Variants in ADAM9 observed in about 807,000 individuals in gnomAD.
The protein encoded by ADAM9 is disintegrin and metalloproteinase domain-containing protein 9.
In ADAM9, 54 loss-of-function variants were observed where a neutral mutation model predicts 108.1. The observed-to-expected ratio is 0.50, with a 90% CI of 0.40 to 0.63. The LOEUF is 0.63. Ranked by LOEUF, ADAM9 falls within the 20% of genes least tolerant of loss-of-function variation. ADAM9 has a pLI of 0.00. For missense variants in ADAM9, 830 were observed against 997.7 expected (o/e 0.83, Z 2.26); for synonymous variants, 316 against 336.0 (o/e 0.94, Z 0.65).
At chr8:39,013,224 T>C (rs1296950703) in intron 3 of ADAM9, among the ~76,000 whole-genome samples, 1 of 152,174 alleles carries the variant, frequency 6.6e-6, no homozygotes, top group Admixed American at 6.5e-5. Context: ...GCCTCCATAC[T>C]TAGGAGGTTA....
intron 11 of ADAM9, among the ~76,000 whole-genome samples, chr8:39,032,715 C>T (rs1321005479): frequency 1.3e-5 from 2 of 152,208 alleles, no homozygotes; most frequent in East Asian, 3.9e-4. Context: ...AACCAGGTAC[C>T]TCAGTTGGAA....
chr8:39,041,761 T>C (rs1474879646), intron 11 of ADAM9, among the ~76,000 whole-genome samples, 185 bp from the exon 12 acceptor site: 1 of 152,202 alleles, frequency 6.6e-6, no homozygotes, highest in Non-Finnish European at 1.5e-5. Flanking sequence ...TGAATTATTA[T>C]ATAGTAGCTG....
intron 14 of ADAM9, among the ~76,000 whole-genome samples, chr8:39,056,989 T>C (rs1838144671): frequency 6.6e-6 from 1 of 152,202 alleles, no homozygotes; most frequent in Non-Finnish European, 1.5e-5. Flanking sequence ...TCTCATAAAA[T>C]TATAATGCTG....
chr8:39,084,020 C>A (rs1373901939), intron 18 of ADAM9, among the ~76,000 whole-genome samples: 1 of 152,132 alleles, frequency 6.6e-6, no homozygotes, highest in Non-Finnish European at 1.5e-5. Flanking sequence ...TAATTTTTAG[C>A]CATTCCAGTA....
intron 14 of ADAM9, among the ~76,000 whole-genome samples, chr8:39,057,050 A>G (rs1838146995): frequency 6.6e-6 from 1 of 152,166 alleles, no homozygotes; most frequent in Admixed American, 6.5e-5. Context: ...TACCTTTTCT[A>G]TGTTTAGATA....
chr8:39,083,440 A>T (rs1231691361), intron 18 of ADAM9, among the ~76,000 whole-genome samples: 1 of 152,182 alleles, frequency 6.6e-6, no homozygotes, highest in Non-Finnish European at 1.5e-5. Context: ...ACAACTCCTT[A>T]ACATGGGTTA....
intron 1 of ADAM9, among the ~76,000 whole-genome samples, chr8:38,999,698 C>T (rs1323977003): frequency 6.6e-6 from 1 of 152,168 alleles, no homozygotes; most frequent in Non-Finnish European, 1.5e-5. Flanking sequence ...AAAATATGTA[C>T]AAACCTAGTT....
chr8:39,034,634 A>T (rs1301978363), intron 11 of ADAM9, among the ~76,000 whole-genome samples: 1 of 151,830 alleles, frequency 6.6e-6, no homozygotes, highest in Non-Finnish European at 1.5e-5. Context: ...TTTTTTGAGG[A>T]TATTTTTGTT....
intron 14 of ADAM9, among the ~76,000 whole-genome samples, chr8:39,066,164 G>C (rs549479958): frequency 6.6e-6 from 1 of 152,302 alleles, no homozygotes; most frequent in East Asian, 1.9e-4. Flanking sequence ...ATGGACATTT[G>C]GGTTGGTTCC....
chr8:39,099,875 G>GTTTTTTTTT (rs111740274), intron 20 of ADAM9, among the ~76,000 whole-genome samples: 1 of 89,546 alleles, frequency 1.1e-5, no homozygotes, highest in South Asian at 4.1e-4. Context: ...TATCGTGTTT[G>GTTTTTTTTT]TTTTTTTTTT....
intron 2 of ADAM9, among the ~76,000 whole-genome samples, chr8:39,010,591 A>C (rs546426635): frequency 6.6e-6 from 1 of 152,242 alleles, no homozygotes; most frequent in Admixed American, 6.5e-5. Context: ...TTAAAGAGTT[A>C]AGGCGAAGTC....
intron 15 of ADAM9, 64 bp from the exon 16 acceptor site, chr8:39,077,164 A>C: frequency 2.6e-6 from 4 of 1,559,984 alleles, no homozygotes; most frequent in Non-Finnish European, 2.6e-6. Flanking sequence ...CAAATATATA[A>C]ATTTTTTCTT....
At chr8:39,021,577 C>T (rs1010296668) in intron 7 of ADAM9, 66 bp from the exon 8 acceptor site, 5 of 1,439,280 alleles carry the variant, frequency 3.5e-6, no homozygotes, top group Admixed American at 1.7e-5. Flanking sequence ...AGGTACTGCA[C>T]CCGGCCTTAC....
At chr8:39,049,575 A>C (rs1258824306) in intron 12 of ADAM9, among the ~76,000 whole-genome samples, 2 of 151,114 alleles carry the variant, frequency 1.3e-5, no homozygotes, top group Non-Finnish European at 2.9e-5. Flanking sequence ...AGTAGCTGGG[A>C]CTACAGGTGC....
chr8:39,020,049 G>C (rs1836683322), intron 7 of ADAM9, among the ~76,000 whole-genome samples: 1 of 152,244 alleles, frequency 6.6e-6, no homozygotes, highest in African/African-American at 2.4e-5. Flanking sequence ...ACTTTGGGAG[G>C]CCGAGGCGGG....
intron 14 of ADAM9, among the ~76,000 whole-genome samples, chr8:39,065,013 G>A (rs1468112434): frequency 1.3e-5 from 2 of 152,104 alleles, no homozygotes; most frequent in Admixed American, 6.5e-5. Context: ...TTTATTCACC[G>A]TGCTATGTAA....
At chr8:39,006,092 A>G (rs1317615520) in intron 1 of ADAM9, among the ~76,000 whole-genome samples, 1 of 152,164 alleles carries the variant, frequency 6.6e-6, no homozygotes, top group African/African-American at 2.4e-5. Flanking sequence ...TCGTACAGGG[A>G]CTGTGTAGAC....
chr8:39,057,246 TTCTCAGA>T (rs1374721702), intron 14 of ADAM9, among the ~76,000 whole-genome samples: 1 of 151,868 alleles, frequency 6.6e-6, no homozygotes, highest in African/African-American at 2.4e-5. Flanking sequence ...AACAACTCAT[TTCTCAGA>T]TCATATCCCT....
chr8:39,044,219 T>A (rs147653960), intron 12 of ADAM9, among the ~76,000 whole-genome samples: 16 of 152,248 alleles, frequency 1.1e-4, no homozygotes, highest in African/African-American at 3.9e-4. Context: ...TTTTACTGTT[T>A]CAGGCCTTAT....
Sources: gnomAD v4.1 joint callset for allele counts (sites outside exome capture counted in the v4.1 genomes callset) on GRCh38, gnomAD v4.1.1 for gene constraint, MANE v1.5 for transcripts, NCBI Gene and HGNC (gene_info 2026-07-23, HGNC 2026-07-21) for gene names.